AMPH: variants seen among roughly 807,000 people sequenced by gnomAD.
AMPH encodes amphiphysin (Stiff-Mann syndrome with breast cancer 128kD autoantigen).
AMPH carries 49 observed loss-of-function variants against 99.1 expected under a neutral mutation model. The ratio of observed to expected loss-of-function variants is 0.49; its 90% CI spans 0.39 to 0.63. The LOEUF (loss-of-function observed/expected upper bound fraction) is 0.63, where lower values mean the gene tolerates loss of function less well. AMPH is among the 20% of genes least tolerant of loss of function. The pLI is 0.00. For synonymous variants in AMPH, 314 were observed against 317.3 expected, an observed-to-expected ratio of 0.99 and a Z score of 0.11; for missense variants, 759 against 863.4, an observed-to-expected ratio of 0.88 and a Z score of 1.52.
In AMPH at chr7:38,504,071, C is replaced by T. The variant is rs74557987; in HGVS notation, c.151-367G>A. ...GCCACATATGGCTGTTGAGTACTTGCAATTGAGATGTACTGTAAGGGTATT... is the reference window on the plus strand; with the variant it reads ...GCCACATATGGCTGTTGAGTACTTGTAATTGAGATGTACTGTAAGGGTATT... On this transcript the variant is annotated intron_variant, in intron 2 of 20. Coordinates refer to ENST00000356264, the MANE Select transcript of AMPH (RefSeq NM_001635.4). Among the ~76,000 whole-genome samples, 211 of 152,220 alleles carry T rather than the reference C, an allele frequency of 1.4e-3. 4 individuals are homozygous for T. In the East Asian group the frequency reaches 0.031, roughly 22 times the overall value.
At chr7:38,385,102 A>T (rs1258062561) in intron 20 of AMPH, among the ~76,000 whole-genome samples, 177 bp from the exon 21 acceptor site, 3 of 122,232 alleles carry the variant, frequency 2.5e-5, no homozygotes, top group South Asian at 2.4e-4. Flanking sequence ...GTTGTTAGTT[A>T]AAAAAAAAAA....
At position 38,389,896 on chromosome 7, in the gene AMPH, G is replaced by C; in HGVS notation, c.1888C>G (p.Leu630Val). ...PPGFLYKVET[L>V]HDFEAANSDE... ...GAATTTGCTGCCTCAAAATCATGCA[G>C]TGTTTCCACCTGCAGAAGATAAGAA... Residue 630 changes from leucine to valine, a missense_variant, in exon 20 of 21, where the codon CTG becomes GTG. Physicochemically the swap from Leu to Val is conservative, Grantham distance 32. Transcript: ENST00000356264. 6.2e-7 allele frequency: 1 copy of C among 1,612,854 alleles called. No individual in the cohort carries two copies. Among genetic ancestry groups the C allele is most frequent in the Non-Finnish European group, 8.5e-7 (1 of 1,179,372 alleles).
chr7:38,479,775 C>T (rs935895309), intron 5 of AMPH, among the ~76,000 whole-genome samples: 1 of 151,676 alleles, frequency 6.6e-6, no homozygotes, highest in African/African-American at 2.4e-5. Flanking sequence ...ATCTACGTGC[C>T]CCATAAATAT....
chr7:38,420,854 C>T (rs918337374), intron 16 of AMPH: 7 of 423,096 alleles, frequency 1.7e-5, no homozygotes, highest in African/African-American at 1.0e-4. Context: ...AGATGTCCTG[C>T]GGGGCTGTAT....
At chr7:38,445,010 T>TATATATATATATATATATATAC (rs1458295332) in intron 11 of AMPH, among the ~76,000 whole-genome samples, 2 of 125,982 alleles carry the variant, frequency 1.6e-5, no homozygotes, top group African/African-American at 2.9e-5. Flanking sequence ...TATATATATA[T>TATATATATATATATATATATAC]ACACACACAC....
At chr7:38,393,587 C>T (rs1784579087) in intron 18 of AMPH, among the ~76,000 whole-genome samples, 1 of 152,164 alleles carries the variant, frequency 6.6e-6, no homozygotes, top group South Asian at 2.1e-4. Context: ...TTGGGGCACT[C>T]TAATGATAAT....
intron 11 of AMPH, among the ~76,000 whole-genome samples, chr7:38,452,043 T>C (rs74925749): frequency 0.027 from 4,088 of 152,306 alleles, 71 homozygotes; most frequent in South Asian, 0.077. Context: ...CCAGATCTAA[T>C]GGATTTCTGT....
At chr7:38,400,042 T>C (rs537027693) in intron 17 of AMPH, among the ~76,000 whole-genome samples, 1 of 152,314 alleles carries the variant, frequency 6.6e-6, no homozygotes, top group Non-Finnish European at 1.5e-5. Flanking sequence ...GTGGTGGCTC[T>C]CTGCACCATA....
chr7:38,441,542 A>G (rs1786504706), intron 11 of AMPH, among the ~76,000 whole-genome samples: 1 of 151,872 alleles, frequency 6.6e-6, no homozygotes, highest in South Asian at 2.1e-4. Flanking sequence ...AAAAACAAAC[A>G]AACAAATGAA....
At chr7:38,608,369 C>T (rs1475893955) in intron 1 of AMPH, among the ~76,000 whole-genome samples, 1 of 152,208 alleles carries the variant, frequency 6.6e-6, no homozygotes, top group Non-Finnish European at 1.5e-5. Flanking sequence ...AACGTGCTCT[C>T]TCTGCCAGTG....
intron 1 of AMPH, among the ~76,000 whole-genome samples, chr7:38,555,767 A>G (rs1791340898): frequency 6.6e-6 from 1 of 152,242 alleles, no homozygotes; most frequent in South Asian, 2.1e-4. Context: ...ACAGGGATCA[A>G]ATTATGGGTT....
chr7:38,528,174 C>T (rs1790259975), intron 2 of AMPH, among the ~76,000 whole-genome samples: 2 of 152,076 alleles, frequency 1.3e-5, no homozygotes, highest in South Asian at 2.1e-4. Context: ...TTACATGTAA[C>T]TTCATGAGAC....
chr7:38,599,822 T>C (rs989319184), intron 1 of AMPH, among the ~76,000 whole-genome samples: 1 of 151,614 alleles, frequency 6.6e-6, no homozygotes, highest in Non-Finnish European at 1.5e-5. Context: ...ATTGTAAATA[T>C]TATTTTAATA....
chr7:38,612,084 C>CTGT (rs1793701588), intron 1 of AMPH, among the ~76,000 whole-genome samples: 1 of 90,892 alleles, frequency 1.1e-5, no homozygotes, highest in Non-Finnish European at 2.1e-5. Flanking sequence ...TTTTTGTCTT[C>CTGT]TTCTTTTTTT....
chr7:38,472,880 A>G (rs2129013245), intron 7 of AMPH, among the ~76,000 whole-genome samples: 1 of 152,304 alleles, frequency 6.6e-6, no homozygotes, highest in South Asian at 2.1e-4. Context: ...TTAAGTCCCT[A>G]CAAAGTCTTT....
intron 11 of AMPH, among the ~76,000 whole-genome samples, chr7:38,442,231 C>T (rs1443383463): frequency 6.6e-6 from 1 of 152,136 alleles, no homozygotes; most frequent in Non-Finnish European, 1.5e-5. Flanking sequence ...CAAACCTACA[C>T]TTGTACCCCT....
chr7:38,406,361 A>G (rs769991117), intron 17 of AMPH, among the ~76,000 whole-genome samples: 1 of 151,732 alleles, frequency 6.6e-6, no homozygotes. Flanking sequence ...AGACATAACA[A>G]AGATCAGAGC....
intron 17 of AMPH, 39 bp from the exon 18 acceptor site, chr7:38,394,253 A>G: frequency 6.2e-7 from 1 of 1,602,756 alleles, no homozygotes; most frequent in Non-Finnish European, 8.5e-7. Flanking sequence ...CTGCATCTCC[A>G]TGGGCCTCTG....
At chr7:38,461,510 T>G in intron 10 of AMPH, 99 bp from the exon 11 acceptor site, 4 of 1,435,202 alleles carry the variant, frequency 2.8e-6, no homozygotes, top group Non-Finnish European at 3.9e-6. Context: ...GATTGAGCTC[T>G]GATTGAAACT....
Sources: gnomAD v4.1 joint callset for allele counts (sites outside exome capture counted in the v4.1 genomes callset) on GRCh38, gnomAD v4.1.1 for gene constraint, MANE v1.5 for transcripts, NCBI Gene and HGNC (gene_info 2026-07-23, HGNC 2026-07-21) for gene names.